The following FARS2 variants were observed in gnomAD, a reference collection of about 807,000 sequenced individuals.
FARS2 encodes phenylalanine--tRNA ligase, mitochondrial.
A neutral mutation model predicts 46.4 loss-of-function variants in FARS2; 40 were observed. The ratio of observed to expected loss-of-function variants is 0.86; its 90% CI spans 0.67 to 1.12. The LOEUF (loss-of-function observed/expected upper bound fraction) is 1.12, where lower values mean the gene tolerates loss of function less well. Ranked by LOEUF, FARS2 falls within the 50% of genes most tolerant of loss-of-function variation. The pLI is 0.00. For synonymous variants in FARS2, 234 were observed against 214.9 expected (o/e 1.09, Z -0.78); for missense variants, 513 against 567.9 (o/e 0.90, Z 0.98).
chr6:5,274,459 T>G (rs1400259221), intron 1 of FARS2, among the ~76,000 whole-genome samples: 1 of 152,154 alleles, frequency 6.6e-6, no homozygotes, highest in Non-Finnish European at 1.5e-5. Context: ...AAAAGATAAG[T>G]ATTTGCACAA....
At chr6:5,633,491 G>T (rs547373726) in intron 6 of FARS2, among the ~76,000 whole-genome samples, 3 of 151,926 alleles carry the variant, frequency 2.0e-5, no homozygotes, top group Non-Finnish European at 4.4e-5. Flanking sequence ...GGCCAGGCTG[G>T]TCTTGAACTC....
Position 5,765,923 on chromosome 6 carries a change from A to T in FARS2, c.1218-5368A>T, listed in dbSNP as rs1033443519. On this transcript the variant is annotated intron_variant, in intron 6 of 6. Coordinates refer to ENST00000274680, the MANE Select transcript of FARS2 (RefSeq NM_006567.5). The surrounding 1 kb of genome is among the most constrained non-coding windows in gnomAD (Gnocchi z 4.0). The stretch of plus-strand genomic sequence containing the variant: ...ATAAACTGGTGACAATGGAAGCCCC[A>T]GAGGTTCAAACATTCTAAGATGCCT... 2.0e-5 allele frequency among the ~76,000 whole-genome samples: 3 copies of T among 152,234 alleles called. No homozygotes were observed. Among genetic ancestry groups the T allele is most frequent in the Non-Finnish European group, 4.4e-5 (3 of 68,048 alleles).
chr6:5,357,850 T>C (rs907679810), intron 1 of FARS2, among the ~76,000 whole-genome samples: 14 of 152,146 alleles, frequency 9.2e-5, no homozygotes, highest in African/African-American at 3.1e-4. Context: ...TTCATAGTGG[T>C]GTTATGAGGA....
intron 4 of FARS2, chr6:5,431,603 A>G (rs185436409): frequency 2.7e-5 from 14 of 524,428 alleles, no homozygotes; most frequent in Non-Finnish European, 4.7e-5. Flanking sequence ...TTTTATAAAT[A>G]CACTAAAACG....
At chr6:5,492,727 A>T (rs143991631) in intron 4 of FARS2, among the ~76,000 whole-genome samples, 269 of 152,378 alleles carry the variant, frequency 1.8e-3, no homozygotes, top group African/African-American at 6.2e-3. Context: ...AAAATGAGTA[A>T]GCTGAGAATC....
intron 4 of FARS2, among the ~76,000 whole-genome samples, chr6:5,508,197 T>C (rs558705114): frequency 6.6e-6 from 1 of 152,348 alleles, no homozygotes; most frequent in South Asian, 2.1e-4. Context: ...GTCAGTGATA[T>C]AAACCATTAA....
chr6:5,709,926 A>G (rs1759035628), intron 6 of FARS2, among the ~76,000 whole-genome samples: 1 of 152,118 alleles, frequency 6.6e-6, no homozygotes, highest in Non-Finnish European at 1.5e-5. Context: ...GCCCAGGATG[A>G]GGGGGATCTC....
intron 3 of FARS2, among the ~76,000 whole-genome samples, chr6:5,408,805 C>T (rs1488709523): frequency 2.0e-5 from 3 of 152,072 alleles, no homozygotes; most frequent in Non-Finnish European, 4.4e-5. Flanking sequence ...GGCTGATTCG[C>T]CTTTATCATG....
chr6:5,386,989 G>A (rs146367319), intron 2 of FARS2, among the ~76,000 whole-genome samples: 5 of 152,250 alleles, frequency 3.3e-5, no homozygotes, highest in East Asian at 3.9e-4. Context: ...GGCTGAAAAC[G>A]AGTCCCTTGG....
intron 3 of FARS2, among the ~76,000 whole-genome samples, chr6:5,405,947 T>C (rs1204594298): frequency 6.6e-6 from 1 of 152,228 alleles, no homozygotes; most frequent in Non-Finnish European, 1.5e-5. Flanking sequence ...ACAATAGTGT[T>C]GCAATCTAGA....
chr6:5,613,852 C>T (rs1320810852), intron 6 of FARS2, among the ~76,000 whole-genome samples: 1 of 152,084 alleles, frequency 6.6e-6, no homozygotes, highest in African/African-American at 2.4e-5. Flanking sequence ...GGGAAAAATG[C>T]ATTGGGTGTC....
intron 6 of FARS2, among the ~76,000 whole-genome samples, chr6:5,654,571 C>T (rs1413266380): frequency 6.6e-6 from 1 of 152,112 alleles, no homozygotes; most frequent in African/African-American, 2.4e-5. Context: ...CATTAAGACT[C>T]GAAGACCTGC....
intron 6 of FARS2, among the ~76,000 whole-genome samples, chr6:5,672,486 T>A (rs1450822696): frequency 6.6e-6 from 1 of 152,130 alleles, no homozygotes; most frequent in Non-Finnish European, 1.5e-5. Flanking sequence ...ATGGAAATGG[T>A]TTGTGACTTT....
chr6:5,327,935 T>G (rs906660911), intron 1 of FARS2, among the ~76,000 whole-genome samples: 4 of 152,240 alleles, frequency 2.6e-5, no homozygotes, highest in African/African-American at 9.6e-5. Context: ...TCCTGCACAT[T>G]ATTGAAATGA....
chr6:5,411,706 G>C (rs1301058875), intron 3 of FARS2, among the ~76,000 whole-genome samples: 1 of 151,974 alleles, frequency 6.6e-6, no homozygotes, highest in African/African-American at 2.4e-5. Context: ...GTCCAAATGT[G>C]GTTTATTATT....
intron 4 of FARS2, among the ~76,000 whole-genome samples, chr6:5,467,971 G>A (rs1765604663): frequency 6.6e-6 from 1 of 152,116 alleles, no homozygotes; most frequent in Non-Finnish European, 1.5e-5. Flanking sequence ...ATATATTGGT[G>A]CAACGTTTAT....
intron 2 of FARS2, among the ~76,000 whole-genome samples, chr6:5,379,865 A>G (rs1159120312): frequency 6.6e-6 from 1 of 152,168 alleles, no homozygotes; most frequent in Non-Finnish European, 1.5e-5. Flanking sequence ...AAAGTTTAGC[A>G]TTTTGCCAGC....
chr6:5,753,058 G>A (rs1051125063), intron 6 of FARS2, among the ~76,000 whole-genome samples: 1 of 152,140 alleles, frequency 6.6e-6, no homozygotes, highest in Non-Finnish European at 1.5e-5. Context: ...AAGTATATGA[G>A]ATAGTCATAT....
chr6:5,408,493 G>A (rs374809034), intron 3 of FARS2, among the ~76,000 whole-genome samples: 54 of 152,236 alleles, frequency 3.5e-4, no homozygotes, highest in East Asian at 3.5e-3. Context: ...ATGGAGAAAC[G>A]GTAGTGTAGA....
Sources: allele counts gnomAD v4.1 joint callset (sites outside exome capture counted in the v4.1 genomes callset), GRCh38; gene constraint gnomAD v4.1.1; non-coding constraint Gnocchi (gnomAD v3.1); transcripts MANE v1.5; gene names NCBI Gene and HGNC (gene_info 2026-07-23, HGNC 2026-07-21).